Variants in AK9 observed in about 807,000 individuals in gnomAD.
AK9 encodes adenylate kinase domain containing 1.
Under a neutral mutation model 239.6 loss-of-function variants are expected in AK9, and 191 were observed. The ratio of observed to expected loss-of-function variants is 0.80; its 90% CI spans 0.71 to 0.90. The LOEUF (loss-of-function observed/expected upper bound fraction) is 0.90, where lower values mean the gene tolerates loss of function less well. AK9 is among the 40% of genes least tolerant of loss of function. The probability of loss-of-function intolerance (pLI) is 0.00; values close to 1 mark genes in which losing one functional copy is unlikely to be tolerated. For synonymous variants in AK9, 689 were observed against 721.0 expected (o/e 0.96, Z 0.71); for missense variants, 1,995 against 2,214.7 (o/e 0.90, Z 1.99).
At chr6:109,567,915 C>T (rs1208838786) in intron 21 of AK9, among the ~76,000 whole-genome samples, 11 of 151,348 alleles carry the variant, frequency 7.3e-5, no homozygotes, top group Non-Finnish European at 8.8e-5. Flanking sequence ...GGAATCCTCC[C>T]TAATTCATTT....
At chr6:109,647,833 T>G (rs971689132) in intron 8 of AK9, among the ~76,000 whole-genome samples, 8 of 152,132 alleles carry the variant, frequency 5.3e-5, no homozygotes, top group Admixed American at 4.6e-4. Context: ...GACCACATAG[T>G]TGGAAGTAAA....
intron 1 of AK9, among the ~76,000 whole-genome samples, chr6:109,681,286 A>T (rs1772590634): frequency 1.3e-5 from 2 of 152,202 alleles, no homozygotes; most frequent in Admixed American, 6.5e-5. Context: ...AAAAGGCAGG[A>T]GTTGCAATCC....
In AK9 at chr6:109,506,815, C is replaced by A; in HGVS notation, c.4482-15G>T. On this transcript the variant is annotated splice_polypyrimidine_tract_variant and intron_variant, in intron 33 of 40. Coordinates refer to ENST00000424296, the MANE Select transcript of AK9 (RefSeq NM_001145128.3). The stretch of plus-strand genomic sequence containing the variant: ...CGATGACAACACTAACAAGGAAAAA[C>A]ATGAAAATAAAAATTCCACATTTCT... 1.4e-6 allele frequency: 2 copies of A among 1,469,858 alleles called. No homozygotes were observed. The highest frequency in any genetic ancestry group is 2.5e-5 in the East Asian group (1 of 39,742). 91.1% of individuals were successfully genotyped at this position (1,469,858 alleles called of 1,614,324 possible).
At position 109,494,094 on chromosome 6, in the gene AK9, C is replaced by T. The variant is rs1295693264; in HGVS notation, c.5420G>A (p.Gly1807Asp). The T allele has an allele frequency of 1.2e-6, 2 of 1,608,550 alleles. No individual in the cohort carries two copies. The highest frequency in any genetic ancestry group is 1.7e-5 in the Admixed American group (1 of 59,800). ...SLPLPGYLEQ[G>D]IATSLIKAMN... Reference sequence around the variant, plus strand: ...TGCTTTAATTAGAGAAGTTGCAATACCCTGCAGGGAGGGAACAATTCAAAT... The same window carrying T: ...TGCTTTAATTAGAGAAGTTGCAATATCCTGCAGGGAGGGAACAATTCAAAT... The change falls in exon 40 of 41, where the codon GGT becomes GAT. Residue 1807 changes from glycine (G) to aspartate (D), a missense_variant and splice_region_variant. Physicochemically the swap from Gly to Asp is moderately conservative, Grantham distance 94 (BLOSUM62 -1). Coordinates refer to ENST00000424296, the MANE Select transcript of AK9 (RefSeq NM_001145128.3).
rs114164647 is a variant in AK9, at chr6:109,672,728, G to A, written c.182-561C>T. The stretch of plus-strand genomic sequence containing the variant: ...TAAAAAAATAAAGAATCCTGGGGGA[G>A]TTAACTCTGTAAACGCCTCTGCACC... On this transcript the variant is annotated intron_variant, in intron 3 of 40. Transcript: ENST00000424296. 6.5e-3 allele frequency among the ~76,000 whole-genome samples: 986 copies of A among 152,144 alleles called. 13 individuals are homozygous for A. The highest frequency in any genetic ancestry group is 0.023 in the African/African-American group (956 of 41,514).
At chr6:109,537,911 G>A (rs1322408264) in intron 27 of AK9, among the ~76,000 whole-genome samples, 16 of 152,114 alleles carry the variant, frequency 1.1e-4, no homozygotes, top group Non-Finnish European at 1.9e-4. Flanking sequence ...GCAGTTGAGC[G>A]GTTTTGAGTG....
chr6:109,563,847 C>T (rs993837778), intron 23 of AK9, 135 bp from the exon 24 acceptor site: 21 of 1,205,742 alleles, frequency 1.7e-5, no homozygotes, highest in Non-Finnish European at 2.4e-5. Flanking sequence ...GCAAATAGGC[C>T]TTTATAAGTT....
At chr6:109,520,841 C>A (rs914973520) in intron 29 of AK9, among the ~76,000 whole-genome samples, 2 of 152,024 alleles carry the variant, frequency 1.3e-5, no homozygotes, top group African/African-American at 4.8e-5. Flanking sequence ...TAGCTGTACT[C>A]TTAGGTATTT....
chr6:109,505,124 C>A (rs1777982922), intron 35 of AK9, among the ~76,000 whole-genome samples: 1 of 152,194 alleles, frequency 6.6e-6, no homozygotes, highest in Admixed American at 6.5e-5. Flanking sequence ...AAAACAGATT[C>A]CCAATTTGTA....
At chr6:109,538,248 T>C (rs1782313343) in intron 27 of AK9, among the ~76,000 whole-genome samples, 1 of 152,202 alleles carries the variant, frequency 6.6e-6, no homozygotes, top group Admixed American at 6.5e-5. Flanking sequence ...CTAAGCCTCT[T>C]TGTAGGTCTC....
chr6:109,524,468 T>C (rs930009086), intron 29 of AK9, among the ~76,000 whole-genome samples: 1 of 152,124 alleles, frequency 6.6e-6, no homozygotes, highest in African/African-American at 2.4e-5. Context: ...TTAAAGAAGC[T>C]TAGTGAACTC....
rs1255877334 is a variant in AK9, at chr6:109,516,041, G to C, written c.3881C>G (p.Ser1294Cys). 1 of 1,550,366 alleles carries C rather than the reference G, an allele frequency of 6.5e-7. No individual in the cohort carries two copies. Among genetic ancestry groups the C allele is most frequent in the African/African-American group, 1.4e-5 (1 of 72,988 alleles). Residue 1294 changes from serine (S) to cysteine (C), a missense_variant, in exon 31 of 41, where the codon TCC becomes TGC. By Grantham distance (112) the Ser-to-Cys change is moderately radical. Coordinates refer to ENST00000424296, the MANE Select transcript of AK9 (RefSeq NM_001145128.3). ...ELERYLIPII[S>C]INGARRNHIV... ...GTGATTTCTCCGAGCTCCATTAATG[G>C]AAATTATTGGTATCAAATACCTCTC...
At chr6:109,543,323 A>C (rs555240807) in intron 26 of AK9, among the ~76,000 whole-genome samples, 2 of 152,196 alleles carry the variant, frequency 1.3e-5, no homozygotes, top group Non-Finnish European at 2.9e-5. Context: ...AAAATCCCTT[A>C]ATTGCTTTCT....
intron 29 of AK9, among the ~76,000 whole-genome samples, chr6:109,518,588 A>G (rs1237682030): frequency 6.6e-6 from 1 of 152,042 alleles, no homozygotes; most frequent in Non-Finnish European, 1.5e-5. Flanking sequence ...GAAGTCTTTC[A>G]TCACACTCCT....
rs750477059 is a variant in AK9 at position 109,495,451 on chromosome 6, A to G, written c.5316-11T>C. On this transcript the variant is annotated splice_polypyrimidine_tract_variant and intron_variant, in intron 38 of 40. Coordinates refer to ENST00000424296, the MANE Select transcript of AK9 (RefSeq NM_001145128.3). ...TATTTCAGTGGCGACCTAAGAACAC[A>G]AAGTTCATTAGATGGATGCTCACAG... is the stretch of plus-strand genomic sequence containing the variant. 4 of 1,593,282 alleles carry G rather than the reference A, an allele frequency of 2.5e-6. No individual in the cohort carries two copies. The highest frequency in any genetic ancestry group is 3.4e-6 in the Non-Finnish European group (4 of 1,162,968).
rs1796152289 is a variant in AK9 at position 109,632,174 on chromosome 6, T to C, written c.1254+749A>G. The C allele has an allele frequency of 5.1e-6, 5 of 985,302 alleles. No homozygotes were observed. In the South Asian group the frequency reaches 1.9e-4, roughly 37 times the overall value. 61.0% of individuals were successfully genotyped at this position (985,302 alleles called of 1,614,324 possible). On this transcript the variant is annotated intron_variant, in intron 12 of 40. Transcript: ENST00000424296. Reference sequence around the variant, plus strand: ...TCTGTATGTTTGTCATGTTTCACAATGAAAAAGTTAAAAGCAAATAGAAAA... The same window carrying C: ...TCTGTATGTTTGTCATGTTTCACAACGAAAAAGTTAAAAGCAAATAGAAAA...
At chr6:109,516,405 TA>T in intron 30 of AK9, 24 bp downstream of exon 30, 1 of 1,529,680 alleles carries the variant, frequency 6.5e-7, no homozygotes, top group Non-Finnish European at 8.8e-7. Flanking sequence ...TTTTGAATTA[TA>T]AAAAGCAAAG....
chr6:109,514,620 C>T (rs577528833), intron 31 of AK9, among the ~76,000 whole-genome samples, 183 bp from the exon 32 acceptor site: 4 of 152,158 alleles, frequency 2.6e-5, no homozygotes, highest in Non-Finnish European at 4.4e-5. Flanking sequence ...ATTTTACAGC[C>T]GTATGTAATG....
intron 8 of AK9, among the ~76,000 whole-genome samples, chr6:109,648,323 A>G (rs1798374705): frequency 6.6e-6 from 1 of 152,192 alleles, no homozygotes; most frequent in African/African-American, 2.4e-5. Flanking sequence ...GAAAAGATCA[A>G]CAAAATTGAT....
Sources: gnomAD v4.1 joint callset for allele counts (sites outside exome capture counted in the v4.1 genomes callset) on GRCh38, gnomAD v4.1.1 for gene constraint, MANE v1.5 for transcripts, NCBI Gene and HGNC (gene_info 2026-07-23, HGNC 2026-07-21) for gene names.